PLCB1: variants seen among roughly 807,000 people sequenced by gnomAD.
The protein encoded by PLCB1 is 1-phosphatidylinositol 4,5-bisphosphate phosphodiesterase beta-1.
PLCB1 carries 46 observed loss-of-function variants against 161.8 expected under a neutral mutation model. The observed-to-expected ratio is 0.28, with a 90% CI of 0.22 to 0.36. The LOEUF (loss-of-function observed/expected upper bound fraction) is 0.36. Among genes scored for constraint, PLCB1 ranks in the 10% least tolerant of loss-of-function variants. The pLI, the probability that PLCB1 is intolerant of heterozygous loss-of-function variation, is 1.00. For synonymous variants in PLCB1, 517 were observed against 503.7 expected (o/e 1.03, Z -0.35); for missense variants, 1,016 against 1,472.5 (o/e 0.69, Z 5.07).
At chr20:8,563,269 C>A (rs900896678) in intron 3 of PLCB1, among the ~76,000 whole-genome samples, 2 of 151,858 alleles carry the variant, frequency 1.3e-5, no homozygotes, top group Admixed American at 1.3e-4. Context: ...AGTAGTATAG[C>A]CCTACCAAGT....
chr20:8,601,056 G>A (rs573071698), intron 3 of PLCB1, among the ~76,000 whole-genome samples: 22 of 152,142 alleles, frequency 1.4e-4, no homozygotes, highest in African/African-American at 5.1e-4. Context: ...GAAATCACCC[G>A]TCTTCTGCGT....
chr20:8,702,302 C>T (rs1312127757), intron 11 of PLCB1, among the ~76,000 whole-genome samples: 3 of 152,112 alleles, frequency 2.0e-5, no homozygotes, highest in Non-Finnish European at 4.4e-5. Context: ...TCTCTCTTCT[C>T]CCACCCAATA....
At chr20:8,180,396 A>T (rs1476945369) in intron 2 of PLCB1, among the ~76,000 whole-genome samples, 1 of 152,124 alleles carries the variant, frequency 6.6e-6, no homozygotes, top group Non-Finnish European at 1.5e-5. Context: ...TTCATCAAGG[A>T]TATTGGCCTG....
intron 5 of PLCB1, 147 bp from the exon 6 acceptor site, chr20:8,647,753 C>A: frequency 1.6e-6 from 1 of 639,716 alleles, no homozygotes; most frequent in Non-Finnish European, 2.8e-6. Context: ...ATTTCTTAAT[C>A]TGGGTGCCAA....
chr20:8,717,867 C>G lies in PLCB1; in HGVS notation c.1513+19C>G. ...GGAGCCGGTGAGGGGCTGGTGGGCT[C>G]TCCCCGTCATGTTTTGTGTTGGTTT... is the stretch of plus-strand genomic sequence containing the variant. On this transcript the variant is annotated intron_variant, in intron 14 of 31. Transcript: ENST00000338037. The G allele has an allele frequency of 7.5e-6, 12 of 1,595,686 alleles. No homozygotes were observed. Among genetic ancestry groups the G allele is most frequent in the Non-Finnish European group, 9.4e-6 (11 of 1,173,790 alleles).
intron 31 of PLCB1, among the ~76,000 whole-genome samples, chr20:8,871,875 A>G (rs1987621328): frequency 6.6e-6 from 1 of 152,220 alleles, no homozygotes. Flanking sequence ...AGAGTATGCT[A>G]AGCATTTAAT....
At chr20:8,324,129 A>G (rs1458170487) in intron 2 of PLCB1, among the ~76,000 whole-genome samples, 1 of 152,118 alleles carries the variant, frequency 6.6e-6, no homozygotes, top group Non-Finnish European at 1.5e-5. Context: ...TGATTAATAC[A>G]GGTAAGTAAA....
chr20:8,549,571 C>T (rs557730064), intron 3 of PLCB1, among the ~76,000 whole-genome samples: 43 of 152,176 alleles, frequency 2.8e-4, no homozygotes, highest in Middle Eastern at 6.8e-3. Context: ...CTCGTGATAG[C>T]GAACGAATTC....
At chr20:8,331,349 G>GTT (rs531663143) in intron 2 of PLCB1, among the ~76,000 whole-genome samples, 19 of 144,326 alleles carry the variant, frequency 1.3e-4, no homozygotes, top group Non-Finnish European at 7.7e-5. Flanking sequence ...TACGTGTGAA[G>GTT]TTTTTTTTTT....
intron 3 of PLCB1, among the ~76,000 whole-genome samples, chr20:8,565,820 C>T (rs1405754332): frequency 1.3e-5 from 2 of 151,950 alleles, no homozygotes; most frequent in Admixed American, 6.6e-5. Flanking sequence ...ACCTGCAAAA[C>T]GGAGGTGAAG....
intron 3 of PLCB1, among the ~76,000 whole-genome samples, chr20:8,485,032 C>A (rs879425832): frequency 4.6e-5 from 7 of 152,148 alleles, no homozygotes; most frequent in African/African-American, 7.2e-5. Context: ...TACCACTGCT[C>A]CCCAGGGAAT....
In PLCB1 at chr20:8,553,743, G is replaced by T. The variant is rs557392474; in HGVS notation, c.247-74551G>T. 3.9e-5 allele frequency among the ~76,000 whole-genome samples: 6 copies of T among 152,144 alleles called. No homozygotes were observed. In the East Asian group the frequency reaches 1.2e-3, roughly 30 times the overall value. On this transcript the variant is annotated intron_variant, in intron 3 of 31. Coordinates refer to ENST00000338037, the MANE Select transcript of PLCB1 (RefSeq NM_015192.4). ...TAGCTTGTCACGCTGGCACATTCCT[G>T]TAATCCTAGCACTTTGGGAGGCTGA...
At chr20:8,438,095 T>A (rs1211063967) in intron 3 of PLCB1, among the ~76,000 whole-genome samples, 2 of 152,218 alleles carry the variant, frequency 1.3e-5, no homozygotes, top group African/African-American at 4.8e-5. Context: ...TTGTGTGTTC[T>A]ATCTTATATA....
rs558551213 is a variant in PLCB1 at position 8,665,665 on chromosome 20, A to G, written c.862+6961A>G. Among the ~76,000 whole-genome samples, 5 of 152,274 alleles carry G rather than the reference A, an allele frequency of 3.3e-5. No homozygotes were observed. The South Asian group carries it at 1.0e-3, about 32-fold the overall frequency. On this transcript the variant is annotated intron_variant, in intron 9 of 31. Transcript: ENST00000338037. ...TAAGGATGTACACTTGACTCTTACT[A>G]TTTACTTCATTATCACTTCAATTTC...
intron 31 of PLCB1, among the ~76,000 whole-genome samples, chr20:8,809,211 T>G (rs1314327181): frequency 3.3e-5 from 5 of 152,154 alleles, no homozygotes; most frequent in Admixed American, 2.0e-4. Context: ...TTTGCCATGT[T>G]GCCCAGGCTG....
At chr20:8,808,475 ATCCT>A (rs1984652409) in intron 31 of PLCB1, among the ~76,000 whole-genome samples, 1 of 152,188 alleles carries the variant, frequency 6.6e-6, no homozygotes, top group African/African-American at 2.4e-5. Context: ...TTCATTAAAG[ATCCT>A]GTCTCCAAAT....
intron 2 of PLCB1, among the ~76,000 whole-genome samples, chr20:8,279,987 G>T (rs1438485105): frequency 6.6e-6 from 1 of 152,096 alleles, no homozygotes; most frequent in Non-Finnish European, 1.5e-5. Context: ...ATAATGATTT[G>T]TTTAGCTGTA....
intron 10 of PLCB1, among the ~76,000 whole-genome samples, chr20:8,693,335 A>G (rs1331136558): frequency 6.6e-6 from 1 of 152,182 alleles, no homozygotes; most frequent in Non-Finnish European, 1.5e-5. Context: ...AAGCCATCTC[A>G]TGGCAACTGC....
chr20:8,399,910 A>G (rs1279616451), intron 3 of PLCB1, among the ~76,000 whole-genome samples: 2 of 152,194 alleles, frequency 1.3e-5, no homozygotes, highest in Non-Finnish European at 2.9e-5. Context: ...AATCCATGCC[A>G]TCATATAAGT....
Sources: gnomAD v4.1 joint callset for allele counts (sites outside exome capture counted in the v4.1 genomes callset) on GRCh38, gnomAD v4.1.1 for gene constraint, MANE v1.5 for transcripts, NCBI Gene and HGNC (gene_info 2026-07-23, HGNC 2026-07-21) for gene names.